Variants in CNTN6 observed in about 807,000 individuals in gnomAD.
CNTN6 encodes contactin-6.
CNTN6 carries 137 observed loss-of-function variants against 122.8 expected under a neutral mutation model. That is an observed-to-expected ratio of 1.12 (90% CI 0.97 to 1.29). CNTN6 has a LOEUF of 1.29. CNTN6 is among the 50% of genes most tolerant of loss of function. CNTN6 has a pLI of 0.00. For missense variants in CNTN6, 1,634 were observed against 1,223.4 expected (o/e 1.34, Z -5.01); for synonymous variants, 570 against 426.0 (o/e 1.34, Z -4.16).
intron 7 of CNTN6, among the ~76,000 whole-genome samples, chr3:1,310,899 G>A (rs1337331246): frequency 6.6e-6 from 1 of 152,048 alleles, no homozygotes; most frequent in Non-Finnish European, 1.5e-5. Context: ...TACTCAGGTG[G>A]CTGAAGCAGG....
rs185354746 is a variant in CNTN6 at position 1,386,261 on chromosome 3, G to A, written c.2704+464G>A. Reference sequence around the variant, plus strand: ...CACCTTAATATATGCTCAGTAAATGGTTTTTTTGTTTTGTCATTTGAGTCC... The same window carrying A: ...CACCTTAATATATGCTCAGTAAATGATTTTTTTGTTTTGTCATTTGAGTCC... On this transcript the variant is annotated intron_variant, in intron 20 of 22. Transcript: ENST00000446702. Among the ~76,000 whole-genome samples, 125 of 152,128 alleles carry A rather than the reference G, an allele frequency of 8.2e-4. 1 individual carries two copies. The East Asian group carries it at 0.022, about 27-fold the overall frequency.
At chr3:1,270,952 G>C (rs984977263) in intron 4 of CNTN6, among the ~76,000 whole-genome samples, 2 of 152,172 alleles carry the variant, frequency 1.3e-5, no homozygotes, top group African/African-American at 4.8e-5. Context: ...ACCCAGGCTA[G>C]AGTGTGGAGT....
At chr3:1,242,222 G>T (rs1433466713) in intron 4 of CNTN6, among the ~76,000 whole-genome samples, 1 of 152,136 alleles carries the variant, frequency 6.6e-6, no homozygotes, top group Non-Finnish European at 1.5e-5. Context: ...GGGTGTCAGG[G>T]TCAGTCTAAG....
chr3:1,237,850 T>C (rs1010121385), intron 4 of CNTN6, among the ~76,000 whole-genome samples: 11 of 152,112 alleles, frequency 7.2e-5, no homozygotes, highest in Admixed American at 7.2e-4. Context: ...AAATAAATGC[T>C]GGGAGAATTT....
chr3:1,176,192 C>T (rs1284446103), intron 2 of CNTN6, among the ~76,000 whole-genome samples: 8 of 152,150 alleles, frequency 5.3e-5, no homozygotes, highest in Non-Finnish European at 8.8e-5. Context: ...CCGGGGCGGG[C>T]GGATCAACTA....
chr3:1,245,237 CACACACACATAT>C lies in CNTN6; in HGVS notation c.358+17246_358+17257del, dbSNP rs2094552114. 3.7e-3 allele frequency among the ~76,000 whole-genome samples: 25 copies of C among 6,696 alleles called. 1 individual carries two copies. Among genetic ancestry groups the C allele is most frequent in the South Asian group, 0.019 (4 of 206 alleles). 4.4% of individuals were successfully genotyped at this position (6,696 alleles called of 152,430 possible). ...ATATATATATATATATATATATATA[CACACACACATAT>C]ATATATAACATATATATATATATAT... On this transcript the variant is annotated intron_variant, in intron 4 of 22. Transcript: ENST00000446702.
intron 2 of CNTN6, among the ~76,000 whole-genome samples, chr3:1,208,954 G>A (rs2093995645): frequency 6.6e-6 from 1 of 152,086 alleles, no homozygotes; most frequent in Non-Finnish European, 1.5e-5. Context: ...AGTTGGTCGA[G>A]TTTACTTATG....
intron 2 of CNTN6, among the ~76,000 whole-genome samples, chr3:1,185,866 A>T (rs1285635997): frequency 1.3e-5 from 2 of 152,174 alleles, no homozygotes; most frequent in African/African-American, 4.8e-5. Flanking sequence ...CACATTAAAC[A>T]CTATGTAATT....
chr3:1,372,921 A>T lies in CNTN6; in HGVS notation c.1752A>T (p.Glu584Asp), dbSNP rs1709273392. 6.2e-7 allele frequency: 1 copy of T among 1,604,860 alleles called. No individual in the cohort carries two copies. Among genetic ancestry groups the T allele is most frequent in the African/African-American group, 1.3e-5 (1 of 74,574 alleles). ...KYLCTVQTTL[E>D]SLSAVADIIV... ...TCTGCACAGTACAAACAACCCTAGA[A>T]AGTTTATCTGCAGTAGCCGATATCA... is the stretch of plus-strand genomic sequence containing the variant. The change falls in exon 14 of 23, where the codon GAA (glutamate) becomes GAT (aspartate). Residue 584 changes from glutamate (E) to aspartate (D), a missense_variant. By Grantham distance (45) the Glu-to-Asp change is conservative. Transcript: ENST00000446702.
At chr3:1,180,349 A>T (rs1319363379) in intron 2 of CNTN6, among the ~76,000 whole-genome samples, 1 of 152,214 alleles carries the variant, frequency 6.6e-6, no homozygotes, top group Non-Finnish European at 1.5e-5. Flanking sequence ...ACACACAGGC[A>T]GTGCTCAATT....
At chr3:1,288,413 T>C (rs1460958349) in intron 5 of CNTN6, among the ~76,000 whole-genome samples, 1 of 152,210 alleles carries the variant, frequency 6.6e-6, no homozygotes, top group East Asian at 1.9e-4. Context: ...AAAGGAATTA[T>C]TCTTCTTGGA....
chr3:1,290,895 G>T, intron 5 of CNTN6, among the ~76,000 whole-genome samples: 1 of 152,112 alleles, frequency 6.6e-6, no homozygotes, highest in Non-Finnish European at 1.5e-5. Context: ...TACTGAATCT[G>T]TTTTATCAGT....
chr3:1,340,818 C>CT (rs1249647388), intron 11 of CNTN6, among the ~76,000 whole-genome samples: 4 of 152,054 alleles, frequency 2.6e-5, no homozygotes. Context: ...TACTCATGTC[C>CT]TGAAATCATC....
intron 2 of CNTN6, among the ~76,000 whole-genome samples, chr3:1,200,375 A>G (rs1199630393): frequency 3.9e-5 from 6 of 151,988 alleles, no homozygotes; most frequent in Non-Finnish European, 8.8e-5. Context: ...AGCTGCATCT[A>G]CTGAGCACTG....
chr3:1,254,445 TGA>T (rs1371759623), intron 4 of CNTN6, among the ~76,000 whole-genome samples: 1 of 152,218 alleles, frequency 6.6e-6, no homozygotes, highest in Non-Finnish European at 1.5e-5. Context: ...AACGAAGGAA[TGA>T]GAATAAAATT....
chr3:1,167,698 G>A (rs1215366210), intron 2 of CNTN6, among the ~76,000 whole-genome samples: 2 of 152,124 alleles, frequency 1.3e-5, no homozygotes, highest in African/African-American at 4.8e-5. Flanking sequence ...TTGCCCCAAG[G>A]TACAGAGTGA....
intron 3 of CNTN6, among the ~76,000 whole-genome samples, chr3:1,222,142 C>A (rs957575458): frequency 1.3e-5 from 2 of 152,136 alleles, no homozygotes; most frequent in African/African-American, 4.8e-5. Flanking sequence ...ATTCCACAGA[C>A]TAAAGCTTCC....
At chr3:1,346,476 T>C (rs986202796) in intron 11 of CNTN6, among the ~76,000 whole-genome samples, 1 of 152,102 alleles carries the variant, frequency 6.6e-6, no homozygotes, top group African/African-American at 2.4e-5. Flanking sequence ...TTGTTCCTGC[T>C]AGACAGCGTT....
chr3:1,344,985 T>A (rs1311407771), intron 11 of CNTN6, among the ~76,000 whole-genome samples: 2 of 152,188 alleles, frequency 1.3e-5, no homozygotes, highest in Non-Finnish European at 2.9e-5. Context: ...TTTGCTTTTT[T>A]TCATTTTTAC....
Sources: gnomAD v4.1 joint callset for allele counts (sites outside exome capture counted in the v4.1 genomes callset) on GRCh38, gnomAD v4.1.1 for gene constraint, MANE v1.5 for transcripts, NCBI Gene and HGNC (gene_info 2026-07-23, HGNC 2026-07-21) for gene names.